Variants in LNX2 observed in about 807,000 individuals in gnomAD.
LNX2 encodes the protein ligand of numb-protein X 2, also known as ligand of Numb protein X 2.
LNX2 carries 35 observed loss-of-function variants against 66.2 expected under a neutral mutation model. That is an observed-to-expected ratio of 0.53 (90% CI 0.40 to 0.70). LNX2 has a LOEUF of 0.70. Among genes scored for constraint, LNX2 ranks in the 30% least tolerant of loss-of-function variants. The pLI is 0.00. For synonymous variants in LNX2, 337 were observed against 315.6 expected (o/e 1.07, Z -0.72); for missense variants, 791 against 850.8 (o/e 0.93, Z 0.87).
intron 8 of LNX2, 102 bp downstream of exon 8, chr13:27,553,106 C>CTTTTTTTTTTTT: frequency 1.2e-6 from 1 of 853,054 alleles, no homozygotes; most frequent in Non-Finnish European, 1.8e-6. Context: ...TGAATTAAAG[C>CTTTTTTTTTTTT]TTTTTTTTTT....
intron 1 of LNX2, among the ~76,000 whole-genome samples, chr13:27,585,410 A>C (rs1239378264): frequency 1.3e-5 from 2 of 152,026 alleles, no homozygotes; most frequent in Non-Finnish European, 2.9e-5. Context: ...CAACACAGCA[A>C]GACTCTGTCT....
intron 2 of LNX2, among the ~76,000 whole-genome samples, chr13:27,576,788 G>C (rs1040841860): frequency 1.3e-5 from 2 of 151,822 alleles, no homozygotes; most frequent in Admixed American, 6.6e-5. Flanking sequence ...TACACATTAT[G>C]ATTTCTCATT....
intron 1 of LNX2, among the ~76,000 whole-genome samples, chr13:27,583,212 G>T (rs1566124683): frequency 0.084 from 1,928 of 22,872 alleles, 550 homozygotes; most frequent in African/African-American, 0.32. Context: ...GTGTGTGTGT[G>T]TGTGTGTGTG....
At chr13:27,601,381 C>T (rs1955656584) in intron 1 of LNX2, among the ~76,000 whole-genome samples, 2 of 152,146 alleles carry the variant, frequency 1.3e-5, no homozygotes, top group Non-Finnish European at 2.9e-5. Context: ...ATACGTGATG[C>T]AATTCCACAG....
At chr13:27,605,594 G>T (rs1436035536) in intron 1 of LNX2, among the ~76,000 whole-genome samples, 2 of 152,138 alleles carry the variant, frequency 1.3e-5, no homozygotes, top group Admixed American at 6.5e-5. Flanking sequence ...AAGAAGTCTG[G>T]TTTCCAATCA....
At chr13:27,609,749 A>G (rs1413470211) in intron 1 of LNX2, among the ~76,000 whole-genome samples, 1 of 152,232 alleles carries the variant, frequency 6.6e-6, no homozygotes, top group Admixed American at 6.5e-5. Context: ...AAAGGGATTC[A>G]TTAAAAGTTT....
chr13:27,587,294 C>CT (rs961709286), intron 1 of LNX2, among the ~76,000 whole-genome samples: 7 of 152,154 alleles, frequency 4.6e-5, no homozygotes, highest in Admixed American at 3.3e-4. Flanking sequence ...CGCTCCCCCC[C>CT]TTCCCTTCTG....
At chr13:27,594,307 T>C (rs1955574327) in intron 1 of LNX2, among the ~76,000 whole-genome samples, 1 of 152,206 alleles carries the variant, frequency 6.6e-6, no homozygotes, top group Non-Finnish European at 1.5e-5. Context: ...ACTGTTTTTC[T>C]TATCAATTGA....
chr13:27,581,834 G>A (rs1955401681), intron 1 of LNX2, 31 bp from the exon 2 acceptor site: 7 of 620,178 alleles, frequency 1.1e-5, no homozygotes, highest in Admixed American at 6.7e-5. Context: ...CATTAAAAAA[G>A]GTAATTAATA....
intron 1 of LNX2, among the ~76,000 whole-genome samples, chr13:27,613,683 A>G (rs2138486068): frequency 6.6e-6 from 1 of 152,196 alleles, no homozygotes. Context: ...CAGGAGAATC[A>G]CTTGAACCTG....
rs1955245237 is a variant in LNX2 at position 27,569,153 on chromosome 13, T to C, written c.531A>G (p.Glu177=). Residue 177 remains glutamate (E), a synonymous_variant, in exon 3 of 10, where the codon GAA becomes GAG. Transcript: ENST00000316334. ...CTGCGCCTGTCCCCAAACAGTCTGC[T>C]TCTGGAGATAAGGTACCTGCAGGAT... The part of the protein sequence containing the change: ...LLDPAGTLSP[E]ADCLGTGAVP... 6.2e-7 allele frequency: 1 copy of C among 1,612,690 alleles called. No individual in the cohort carries two copies. Among genetic ancestry groups the C allele is most frequent in the Admixed American group, 1.7e-5 (1 of 59,658 alleles).
At chr13:27,617,007 C>A (rs1955835119) in intron 1 of LNX2, among the ~76,000 whole-genome samples, 1 of 152,190 alleles carries the variant, frequency 6.6e-6, no homozygotes. Context: ...CTCAGCCTCC[C>A]AAAGTGCTAG....
chr13:27,585,999 C>T (rs1955480537), intron 1 of LNX2, among the ~76,000 whole-genome samples: 1 of 88,762 alleles, frequency 1.1e-5, no homozygotes, highest in Non-Finnish European at 2.3e-5. Context: ...TATATATATA[C>T]ACTTATATAT....
intron 2 of LNX2, among the ~76,000 whole-genome samples, chr13:27,571,077 A>G (rs974998472): frequency 1.3e-5 from 2 of 152,242 alleles, no homozygotes; most frequent in African/African-American, 4.8e-5. Flanking sequence ...TCATGTAAAA[A>G]TACAGAAAAA....
At position 27,550,500 on chromosome 13, in the gene LNX2, A is replaced by G; in HGVS notation, c.1779-9T>C. ...GGCAGCTATGAAGTGTGCTATAAACAAACAGAAAAATAAAGAAAAAATTAA... is the reference window on the plus strand; with the variant it reads ...GGCAGCTATGAAGTGTGCTATAAACGAACAGAAAAATAAAGAAAAAATTAA... On this transcript the variant is annotated splice_polypyrimidine_tract_variant and intron_variant, in intron 8 of 9. Coordinates refer to ENST00000316334, the MANE Select transcript of LNX2 (RefSeq NM_153371.4). The G allele has an allele frequency of 6.3e-7, 1 of 1,590,184 alleles. No individual in the cohort carries two copies. The highest frequency in any genetic ancestry group is 1.1e-5 in the South Asian group (1 of 87,092).
intron 4 of LNX2, among the ~76,000 whole-genome samples, chr13:27,563,647 G>A (rs890668454): frequency 3.9e-5 from 6 of 152,038 alleles, no homozygotes; most frequent in African/African-American, 1.2e-4. Context: ...TCTCTGAATC[G>A]GTCTGAGATG....
At chr13:27,594,439 T>C (rs913777380) in intron 1 of LNX2, among the ~76,000 whole-genome samples, 1 of 152,178 alleles carries the variant, frequency 6.6e-6, no homozygotes, top group Non-Finnish European at 1.5e-5. Flanking sequence ...TTCATGTAAT[T>C]GAATACACTC....
At chr13:27,581,209 GTTTGT>G (rs1955392967) in intron 2 of LNX2, 83 bp downstream of exon 2, 3 of 1,076,766 alleles carry the variant, frequency 2.8e-6, no homozygotes, top group Non-Finnish European at 3.8e-6. Flanking sequence ...TAGTGCTCTG[GTTTGT>G]TTTGTTTTAA....
intron 3 of LNX2, 81 bp downstream of exon 3, chr13:27,568,948 G>T: frequency 7.2e-7 from 1 of 1,394,136 alleles, no homozygotes; most frequent in Non-Finnish European, 9.5e-7. Flanking sequence ...TTTCTTTAAA[G>T]ATGAAAAAAG....
Sources: allele counts gnomAD v4.1 joint callset (sites outside exome capture counted in the v4.1 genomes callset), GRCh38; gene constraint gnomAD v4.1.1; transcripts MANE v1.5; gene names NCBI Gene and HGNC (gene_info 2026-07-23, HGNC 2026-07-21).